ARHGAP32: variants seen among roughly 807,000 people sequenced by gnomAD.
ARHGAP32 encodes the protein rho GTPase-activating protein 32.
In ARHGAP32, 51 loss-of-function variants were observed where a neutral mutation model predicts 186.5. That is an observed-to-expected ratio of 0.27 (90% confidence interval 0.22 to 0.35). The LOEUF (loss-of-function observed/expected upper bound fraction) is 0.35. Among genes scored for constraint, ARHGAP32 ranks in the 10% least tolerant of loss-of-function variants. The probability of loss-of-function intolerance (pLI) is 1.00; values close to 1 mark genes in which losing one functional copy is unlikely to be tolerated. For missense variants in ARHGAP32, 2,186 were observed against 2,623.5 expected (o/e 0.83, Z 3.64); for synonymous variants, 950 against 964.3 (o/e 0.99, Z 0.27).
At chr11:129,261,352 T>C (rs925881509) in intron 1 of ARHGAP32, among the ~76,000 whole-genome samples, 1 of 152,198 alleles carries the variant, frequency 6.6e-6, no homozygotes, top group African/African-American at 2.4e-5. Flanking sequence ...AACAAGAATT[T>C]ATTTTTTTCT....
At chr11:129,057,161 C>G (rs1344757925) in intron 10 of ARHGAP32, among the ~76,000 whole-genome samples, 1 of 152,136 alleles carries the variant, frequency 6.6e-6, no homozygotes. Flanking sequence ...AGTGGGTCAT[C>G]GGACATCCTC....
chr11:129,049,907 A>C (rs189244451), intron 10 of ARHGAP32, among the ~76,000 whole-genome samples: 3 of 152,244 alleles, frequency 2.0e-5, no homozygotes, highest in African/African-American at 7.2e-5. Flanking sequence ...GTAAGTGTAC[A>C]GTAATTCCTC....
At chr11:129,238,756 AACACACACACAC>A (rs71057936) in intron 1 of ARHGAP32, among the ~76,000 whole-genome samples, 2 of 148,298 alleles carry the variant, frequency 1.3e-5, no homozygotes, top group African/African-American at 2.5e-5. Context: ...ACTTATTTTA[AACACACACACAC>A]ACACACACAC....
chr11:129,232,645 C>T (rs1944874019), intron 1 of ARHGAP32, among the ~76,000 whole-genome samples: 1 of 152,144 alleles, frequency 6.6e-6, no homozygotes, highest in Non-Finnish European at 1.5e-5. Context: ...CCAAGATTGA[C>T]TCTCATCTGA....
intron 10 of ARHGAP32, among the ~76,000 whole-genome samples, chr11:129,058,888 A>G (rs1177633649): frequency 6.6e-6 from 1 of 152,234 alleles, no homozygotes; most frequent in Non-Finnish European, 1.5e-5. Context: ...ACACGCTTAC[A>G]ATTTAAAAAT....
chr11:129,030,603 T>G (rs1052088303), intron 11 of ARHGAP32: 2 of 152,146 alleles, frequency 1.3e-5, no homozygotes. Context: ...CTTTAATGTA[T>G]ATCTGTTAAC....
chr11:128,976,103 T>TATATATATATATATATATA (rs1945535829), intron 20 of ARHGAP32, among the ~76,000 whole-genome samples: 1 of 142,774 alleles, frequency 7.0e-6, no homozygotes, highest in African/African-American at 2.6e-5. Context: ...ATATATATAT[T>TATATATATATATATATATA]CACAAATGTA....
At chr11:129,035,220 T>C (rs1218366131) in intron 11 of ARHGAP32, among the ~76,000 whole-genome samples, 1 of 151,990 alleles carries the variant, frequency 6.6e-6, no homozygotes, top group Non-Finnish European at 1.5e-5. Context: ...TTCTTTTTCC[T>C]AAGGTACCAT....
chr11:129,061,520 CAATT>C (rs763783667), intron 10 of ARHGAP32, among the ~76,000 whole-genome samples: 17 of 152,096 alleles, frequency 1.1e-4, no homozygotes, highest in Non-Finnish European at 1.8e-4. Context: ...TCGACTAAAA[CAATT>C]AAGTCAAATA....
At chr11:129,169,184 C>T (rs1943701011) in intron 1 of ARHGAP32, among the ~76,000 whole-genome samples, 1 of 151,580 alleles carries the variant, frequency 6.6e-6, no homozygotes, top group Non-Finnish European at 1.5e-5. Context: ...AAAGTAAATG[C>T]ATAAAAAAGA....
At chr11:129,100,755 C>T (rs1213075232) in intron 5 of ARHGAP32, among the ~76,000 whole-genome samples, 4 of 152,042 alleles carry the variant, frequency 2.6e-5, no homozygotes, top group African/African-American at 9.7e-5. Context: ...ACAGAGAAGG[C>T]ACCTAGACCT....
chr11:128,987,464 T>A (rs552607170), intron 13 of ARHGAP32, among the ~76,000 whole-genome samples: 7 of 152,192 alleles, frequency 4.6e-5, no homozygotes, highest in Non-Finnish European at 1.0e-4. Context: ...TACAGAATAA[T>A]GGCAGTTATC....
At chr11:129,171,997 T>C (rs1026422709) in intron 1 of ARHGAP32, among the ~76,000 whole-genome samples, 3 of 152,180 alleles carry the variant, frequency 2.0e-5, no homozygotes, top group African/African-American at 4.8e-5. Context: ...AAAGGAATGC[T>C]TGGGATTTTT....
rs143416592 is a variant in ARHGAP32, at chr11:129,122,669, G to T, written c.444+777C>A. ...GATCAAATTCATCTCACTTGTTTAT[G>T]AAATAAAATTACAAAAAGTAGCACA... On this transcript the variant is annotated intron_variant, in intron 5 of 22. Coordinates refer to ENST00000682385, the MANE Select transcript of ARHGAP32 (RefSeq NM_001378024.1). Among the ~76,000 whole-genome samples, 12 of 152,144 alleles carry T rather than the reference G, an allele frequency of 7.9e-5. No homozygotes were observed. In the East Asian group the frequency reaches 2.3e-3, roughly 29 times the overall value.
At chr11:129,207,983 A>C (rs575456976) in intron 1 of ARHGAP32, among the ~76,000 whole-genome samples, 1 of 152,228 alleles carries the variant, frequency 6.6e-6, no homozygotes, top group African/African-American at 2.4e-5. Context: ...GTCCTCCCAC[A>C]CAATCCACTA....
intron 10 of ARHGAP32, among the ~76,000 whole-genome samples, chr11:129,045,767 A>G (rs998397334): frequency 1.3e-5 from 2 of 152,122 alleles, no homozygotes; most frequent in African/African-American, 4.8e-5. Flanking sequence ...GGAAAGGGAG[A>G]GCAGAATTGG....
chr11:129,031,568 T>C (rs1411835311), intron 11 of ARHGAP32, among the ~76,000 whole-genome samples: 5 of 152,180 alleles, frequency 3.3e-5, no homozygotes, highest in Admixed American at 3.3e-4. Flanking sequence ...ATTACCTGTT[T>C]GGGCAGGGTA....
chr11:129,168,728 C>T (rs1943690978), intron 1 of ARHGAP32, among the ~76,000 whole-genome samples: 1 of 151,960 alleles, frequency 6.6e-6, no homozygotes, highest in Non-Finnish European at 1.5e-5. Flanking sequence ...TCTTTTCAAG[C>T]ATATATGAAA....
At chr11:129,233,935 A>G (rs1313139350) in intron 1 of ARHGAP32, among the ~76,000 whole-genome samples, 4 of 152,018 alleles carry the variant, frequency 2.6e-5, no homozygotes, top group African/African-American at 4.8e-5. Flanking sequence ...CAAATTCAGG[A>G]TAACTGTTAC....
Sources: gnomAD v4.1 joint callset for allele counts (sites outside exome capture counted in the v4.1 genomes callset) on GRCh38, gnomAD v4.1.1 for gene constraint, MANE v1.5 for transcripts, NCBI Gene and HGNC (gene_info 2026-07-23, HGNC 2026-07-21) for gene names.